The following SEMA6D variants were observed in gnomAD, a reference collection of about 807,000 sequenced individuals.
SEMA6D encodes the protein semaphorin-6D.
A neutral mutation model predicts 106.6 loss-of-function variants in SEMA6D; 35 were observed. That is an observed-to-expected ratio of 0.33 (90% CI 0.25 to 0.44). The LOEUF (loss-of-function observed/expected upper bound fraction) is 0.44. SEMA6D is among the 20% of genes least tolerant of loss of function. SEMA6D has a pLI of 1.00. For missense variants in SEMA6D, 1,185 were observed against 1,345.9 expected (o/e 0.88, Z 1.87); for synonymous variants, 499 against 487.7 (o/e 1.02, Z -0.31).
At chr15:47,481,442 T>C (rs1412678381) in intron 3 of SEMA6D, among the ~76,000 whole-genome samples, 2 of 152,172 alleles carry the variant, frequency 1.3e-5, no homozygotes, top group African/African-American at 2.4e-5. Context: ...CTCTTATGCT[T>C]TTTTAGACAC....
intron 4 of SEMA6D, among the ~76,000 whole-genome samples, chr15:47,681,723 A>G (rs573621118): frequency 2.3e-3 from 349 of 152,322 alleles, no homozygotes; most frequent in African/African-American, 7.9e-3. Flanking sequence ...CCAGTCCTCA[A>G]ATAGCAATAT....
chr15:47,265,497 T>C lies in SEMA6D; in HGVS notation c.-239+81079T>C, dbSNP rs530075395. Reference sequence around the variant, plus strand: ...TGGTGTGAAATTGTCCTCATACCTTTTTTGTTTTACTTTAATTATGGTTTC... The same window carrying C: ...TGGTGTGAAATTGTCCTCATACCTTCTTTGTTTTACTTTAATTATGGTTTC... On this transcript the variant is annotated intron_variant, in intron 1 of 19. Transcript: ENST00000558014. Among the ~76,000 whole-genome samples, 13 of 152,152 alleles carry C rather than the reference T, an allele frequency of 8.5e-5. No homozygotes were observed. The South Asian group carries it at 1.4e-3, about 17-fold the overall frequency.
At chr15:47,653,195 C>G (rs905506940) in intron 4 of SEMA6D, among the ~76,000 whole-genome samples, 4 of 152,142 alleles carry the variant, frequency 2.6e-5, no homozygotes, top group African/African-American at 9.7e-5. Flanking sequence ...GAGAAATTTT[C>G]TTAAATCAAG....
chr15:47,414,314 A>G (rs1322741441), intron 2 of SEMA6D, among the ~76,000 whole-genome samples: 2 of 152,190 alleles, frequency 1.3e-5, no homozygotes, highest in Non-Finnish European at 2.9e-5. Context: ...TTCTATACAT[A>G]AGTCGTGGTT....
At chr15:47,575,991 A>G (rs1294725020) in intron 3 of SEMA6D, among the ~76,000 whole-genome samples, 1 of 152,162 alleles carries the variant, frequency 6.6e-6, no homozygotes, top group Non-Finnish European at 1.5e-5. Context: ...AAAATTCTAG[A>G]TTTACCCAAA....
At chr15:47,266,751 G>A (rs1384581531) in intron 1 of SEMA6D, among the ~76,000 whole-genome samples, 1 of 152,080 alleles carries the variant, frequency 6.6e-6, no homozygotes, top group Non-Finnish European at 1.5e-5. Flanking sequence ...GCTGAGGGAT[G>A]TGGGAGCCTA....
At chr15:47,718,008 A>G (rs578259121) in intron 1 of SEMA6D, among the ~76,000 whole-genome samples, 16 of 152,262 alleles carry the variant, frequency 1.1e-4, no homozygotes, top group South Asian at 6.2e-4. Flanking sequence ...GGGGAGGGGC[A>G]AGTGGACTTG....
chr15:47,233,571 T>A (rs2032350702), intron 1 of SEMA6D, among the ~76,000 whole-genome samples: 1 of 152,040 alleles, frequency 6.6e-6, no homozygotes. Context: ...ATATGGGATG[T>A]CTTTCCATTA....
intron 1 of SEMA6D, among the ~76,000 whole-genome samples, chr15:47,276,892 T>A (rs1318955495): frequency 6.6e-6 from 1 of 152,144 alleles, no homozygotes; most frequent in African/African-American, 2.4e-5. Flanking sequence ...CCATTATAAA[T>A]GGCATAAAGA....
rs71118191 is a variant in SEMA6D, at chr15:47,657,719, C to CTTTTTTTTTTT, written c.-55+56853_-55+56863dup. Among the ~76,000 whole-genome samples the CTTTTTTTTTTT allele has an allele frequency of 1.8e-3, 100 of 54,678 alleles. 28 individuals carry two copies. The highest frequency in any genetic ancestry group is 2.6e-3 in the African/African-American group (31 of 11,746). The allele number at this position is 54,678 out of a possible 152,430, so 35.9% of individuals were successfully genotyped here. On this transcript the variant is annotated intron_variant, in intron 4 of 19. Coordinates refer to the SEMA6D transcript ENST00000558014. ...CATTTAGTGACAGAGGGCTTCATTT[C>CTTTTTTTTTTT]TTTTTTTTTTTTTTTTTTTTTTTTT...
At chr15:47,237,432 T>A (rs2032622440) in intron 1 of SEMA6D, among the ~76,000 whole-genome samples, 1 of 117,714 alleles carries the variant, frequency 8.5e-6, no homozygotes, top group Admixed American at 8.9e-5. Flanking sequence ...TTTCTAGTAA[T>A]TTTTTTCACT....
intron 1 of SEMA6D, among the ~76,000 whole-genome samples, chr15:47,232,226 A>G (rs12909443): frequency 0.42 from 63,343 of 151,822 alleles, 16,139 homozygotes; most frequent in Non-Finnish European, 0.56. Context: ...CTGTAAGGAT[A>G]TACTACATAT....
At chr15:47,285,238 G>GTC (rs75446452) in intron 1 of SEMA6D, among the ~76,000 whole-genome samples, 33 of 150,718 alleles carry the variant, frequency 2.2e-4, no homozygotes, top group Admixed American at 4.0e-4. Context: ...CCCCCACTCT[G>GTC]TCTCTCTCTC....
At position 47,759,974 on chromosome 15, in the gene SEMA6D, A is replaced by G. The variant is rs1037150524; in HGVS notation, c.109+67A>G. 1.3e-5 allele frequency: 16 copies of G among 1,200,200 alleles called. No individual in the cohort carries two copies. In the South Asian group the frequency reaches 1.6e-4, roughly 12 times the overall value. 74.3% of individuals were successfully genotyped at this position (1,200,200 alleles called of 1,614,324 possible). On this transcript the variant is annotated intron_variant, in intron 2 of 18. Coordinates refer to ENST00000536845, the MANE Select transcript of SEMA6D (RefSeq NM_001358351.3). ...CTTTTCTGTTTTTCATTCTGTAAGCATGTTCATTTTCAGAAAGAGGCAGAG... is the reference window on the plus strand; with the variant it reads ...CTTTTCTGTTTTTCATTCTGTAAGCGTGTTCATTTTCAGAAAGAGGCAGAG...
chr15:47,446,203 G>A (rs902329934), intron 2 of SEMA6D, among the ~76,000 whole-genome samples: 8 of 152,062 alleles, frequency 5.3e-5, no homozygotes, highest in African/African-American at 1.9e-4. Context: ...CCTGCTAGGT[G>A]GAACAGGGAG....
At chr15:47,585,302 A>G (rs1415640529) in intron 3 of SEMA6D, among the ~76,000 whole-genome samples, 1 of 152,228 alleles carries the variant, frequency 6.6e-6, no homozygotes, top group Non-Finnish European at 1.5e-5. Context: ...CCAGTTGATT[A>G]AAATAGGCAA....
intron 4 of SEMA6D, among the ~76,000 whole-genome samples, chr15:47,684,779 A>G (rs2078433494): frequency 6.6e-6 from 1 of 152,218 alleles, no homozygotes; most frequent in African/African-American, 2.4e-5. Context: ...ATTTATCACA[A>G]TTAGCATGAG....
intron 1 of SEMA6D, among the ~76,000 whole-genome samples, chr15:47,408,283 T>C (rs369749902): frequency 6.6e-6 from 1 of 152,174 alleles, no homozygotes; most frequent in Non-Finnish European, 1.5e-5. Context: ...ACTGCATCTG[T>C]AAATGGGGCA....
chr15:47,553,426 C>G (rs2045822792), intron 3 of SEMA6D, among the ~76,000 whole-genome samples: 1 of 152,064 alleles, frequency 6.6e-6, no homozygotes, highest in African/African-American at 2.4e-5. Context: ...CATAAAACAC[C>G]TTTTGCCCAC....
Sources: allele counts gnomAD v4.1 joint callset (sites outside exome capture counted in the v4.1 genomes callset), GRCh38; gene constraint gnomAD v4.1.1; transcripts MANE v1.5; gene names NCBI Gene and HGNC (gene_info 2026-07-23, HGNC 2026-07-21).